PEX14: variants seen among roughly 807,000 people sequenced by gnomAD.
PEX14 encodes the protein peroxisomal biogenesis factor 14.
Under a neutral mutation model 49.5 loss-of-function variants are expected in PEX14, and 15 were observed. The ratio of observed to expected loss-of-function variants is 0.30; its 90% CI spans 0.20 to 0.47. The LOEUF is 0.47. Ranked by LOEUF, PEX14 falls within the 20% of genes least tolerant of loss-of-function variation. The pLI is 1.00. For missense variants in PEX14, 398 were observed against 494.8 expected, an observed-to-expected ratio of 0.80 and a Z score of 1.86; for synonymous variants, 210 against 212.7, an observed-to-expected ratio of 0.99 and a Z score of 0.11.
chr1:10,544,935 T>C (rs181122894), intron 3 of PEX14, among the ~76,000 whole-genome samples: 2 of 152,224 alleles, frequency 1.3e-5, no homozygotes, highest in East Asian at 3.9e-4. Flanking sequence ...CTAATTTTTT[T>C]TGTATTTTGG....
chr1:10,553,761 G>T lies in PEX14; in HGVS notation c.169+17464G>T, dbSNP rs1346959105. Among the ~76,000 whole-genome samples, 4 of 152,196 alleles carry T rather than the reference G, an allele frequency of 2.6e-5. 1 individual carries two copies. Among genetic ancestry groups the T allele is most frequent in the Middle Eastern group, 6.8e-3 (2 of 294 alleles). Reference sequence around the variant, plus strand: ...GCTCCTCTTCACTCCTTTGTCATCTGTTTCCTCATCTGCTCTTCCCTGAGT... The same window carrying T: ...GCTCCTCTTCACTCCTTTGTCATCTTTTTCCTCATCTGCTCTTCCCTGAGT... On this transcript the variant is annotated intron_variant, in intron 3 of 8. Transcript: ENST00000356607.
chr1:10,616,704 C>T (rs1641430646), intron 4 of PEX14: 1 of 152,206 alleles, frequency 6.6e-6, no homozygotes, highest in Admixed American at 6.5e-5. Context: ...CTTGGAGGAT[C>T]AGATGAGGTT....
At chr1:10,516,337 C>T (rs188887436) in intron 2 of PEX14, among the ~76,000 whole-genome samples, 2 of 152,336 alleles carry the variant, frequency 1.3e-5, no homozygotes, top group East Asian at 3.9e-4. Flanking sequence ...AACTTTGTCT[C>T]TCTTTGTAGA....
intron 2 of PEX14, among the ~76,000 whole-genome samples, chr1:10,504,617 C>T (rs1042321031): frequency 2.0e-5 from 3 of 152,186 alleles, no homozygotes; most frequent in Non-Finnish European, 4.4e-5. Context: ...CAGCCAGGCC[C>T]GTGGCAAGTG....
intron 2 of PEX14, among the ~76,000 whole-genome samples, chr1:10,501,503 G>A (rs1160294570): frequency 2.6e-5 from 4 of 152,026 alleles, no homozygotes; most frequent in African/African-American, 2.4e-5. Context: ...GGGTTTCACC[G>A]TGTTAGCCAG....
intron 3 of PEX14, among the ~76,000 whole-genome samples, chr1:10,595,652 G>A (rs10864468): frequency 0.083 from 12,609 of 152,270 alleles, 735 homozygotes; most frequent in South Asian, 0.16. Flanking sequence ...TAGATGAATA[G>A]AGGAGGGAGG....
At chr1:10,523,185 C>T (rs1330283669) in intron 2 of PEX14, among the ~76,000 whole-genome samples, 2 of 152,128 alleles carry the variant, frequency 1.3e-5, no homozygotes, top group Non-Finnish European at 1.5e-5. Context: ...GCTCCTTCCT[C>T]TCTGTTCTTA....
At chr1:10,616,809 T>C (rs1641433622) in intron 4 of PEX14, 1 of 152,092 alleles carries the variant, frequency 6.6e-6, no homozygotes, top group Non-Finnish European at 1.5e-5. Flanking sequence ...GAGGGCACTT[T>C]GCTATGTGCC....
intron 4 of PEX14, among the ~76,000 whole-genome samples, chr1:10,609,374 A>G (rs1231436468): frequency 6.6e-6 from 1 of 152,220 alleles, no homozygotes; most frequent in East Asian, 1.9e-4. Context: ...TTTACATACA[A>G]TAAGATACAT....
intron 3 of PEX14, among the ~76,000 whole-genome samples, chr1:10,562,317 A>G (rs7512467): frequency 0.14 from 21,880 of 152,308 alleles, 1,991 homozygotes; most frequent in South Asian, 0.31. Flanking sequence ...TGTACAGACC[A>G]TATTCAAATT....
intron 3 of PEX14, among the ~76,000 whole-genome samples, chr1:10,586,670 C>T (rs908721279): frequency 1.5e-4 from 17 of 116,660 alleles, no homozygotes; most frequent in African/African-American, 4.8e-4. Flanking sequence ...GACGGAGTCT[C>T]GCTCTGTTGC....
chr1:10,557,771 C>T (rs1404326146), intron 3 of PEX14, among the ~76,000 whole-genome samples: 5 of 152,140 alleles, frequency 3.3e-5, no homozygotes, highest in Admixed American at 3.3e-4. Context: ...TTCACAGTTT[C>T]TTCCTTTGTC....
chr1:10,537,339 G>GCCCCCCCCCC (rs1463981995), intron 3 of PEX14, among the ~76,000 whole-genome samples: 2 of 12,346 alleles, frequency 1.6e-4, no homozygotes, highest in African/African-American at 3.3e-4. Flanking sequence ...CATTGTGCCA[G>GCCCCCCCCCC]CACCCCCCCC....
At chr1:10,580,611 A>G (rs2124568575) in intron 3 of PEX14, among the ~76,000 whole-genome samples, 1 of 152,170 alleles carries the variant, frequency 6.6e-6, no homozygotes, top group East Asian at 1.9e-4. Context: ...ATACAATTAT[A>G]TGTATCATAT....
At chr1:10,590,547 G>C (rs1640634431) in intron 3 of PEX14, among the ~76,000 whole-genome samples, 1 of 152,042 alleles carries the variant, frequency 6.6e-6, no homozygotes, top group African/African-American at 2.4e-5. Flanking sequence ...TAAGAAACTG[G>C]GGGGTAGGGG....
intron 4 of PEX14, 78 bp downstream of exon 4, chr1:10,599,444 C>T (rs1640923365): frequency 6.5e-7 from 1 of 1,537,758 alleles, no homozygotes; most frequent in Non-Finnish European, 9.0e-7. Flanking sequence ...TTCTGTATCT[C>T]CCAGACTTAG....
rs540269829 is a variant in PEX14, at chr1:10,514,739, A to G, written c.84+19418A>G. Among the ~76,000 whole-genome samples, 16 of 152,312 alleles carry G rather than the reference A, an allele frequency of 1.1e-4. No homozygotes were observed. The highest frequency in any genetic ancestry group is 3.8e-4 in the African/African-American group (16 of 41,560). ...TTTGAGATGTTTGTCTCTCATTTGG[A>G]GATTCCTTTAAAAAAGTAGTTGTTT... On this transcript the variant is annotated intron_variant, in intron 2 of 8. Coordinates refer to ENST00000356607, the MANE Select transcript of PEX14 (RefSeq NM_004565.3). The surrounding 1 kb of genome is among the most constrained non-coding windows in gnomAD (Gnocchi z 4.4).
rs11590114 is a variant in PEX14, at chr1:10,599,953, T to C, written c.298+587T>C. ...GAGATCATGACCCATGAGGGGTCTTTCGTTGTCTTAAATGAAAGCTACTAT... is the reference window on the plus strand; with the variant it reads ...GAGATCATGACCCATGAGGGGTCTTCCGTTGTCTTAAATGAAAGCTACTAT... On this transcript the variant is annotated intron_variant, in intron 4 of 8. Transcript: ENST00000356607. Among the ~76,000 whole-genome samples, 959 of 152,340 alleles carry C rather than the reference T, an allele frequency of 6.3e-3. 7 individuals are homozygous for C. The highest frequency in any genetic ancestry group is 0.01 in the Non-Finnish European group (710 of 68,016).
chr1:10,589,097 T>A (rs987859509), intron 3 of PEX14, among the ~76,000 whole-genome samples: 1 of 152,230 alleles, frequency 6.6e-6, no homozygotes, highest in Non-Finnish European at 1.5e-5. Context: ...ACATTAATTT[T>A]AAAAATAATT....
Sources: allele counts gnomAD v4.1 joint callset (sites outside exome capture counted in the v4.1 genomes callset), GRCh38; gene constraint gnomAD v4.1.1; non-coding constraint Gnocchi (gnomAD v3.1); transcripts MANE v1.5; gene names NCBI Gene and HGNC (gene_info 2026-07-23, HGNC 2026-07-21).